Variants in ADAMTS7 observed in about 807,000 individuals in gnomAD.
ADAMTS7 encodes A disintegrin and metalloproteinase with thrombospondin motifs 7.
Under a neutral mutation model 172.6 loss-of-function variants are expected in ADAMTS7, and 89 were observed. The ratio of observed to expected loss-of-function variants is 0.52; its 90% confidence interval spans 0.43 to 0.61. ADAMTS7 has a LOEUF of 0.61. Among genes scored for constraint, ADAMTS7 ranks in the 20% least tolerant of loss-of-function variants. The probability of loss-of-function intolerance (pLI) is 0.00; values close to 1 mark genes in which losing one functional copy is unlikely to be tolerated. For missense variants in ADAMTS7, 1,973 were observed against 2,355.6 expected (o/e 0.84, Z 3.36); for synonymous variants, 885 against 978.4 (o/e 0.90, Z 1.78).
intron 4 of ADAMTS7, among the ~76,000 whole-genome samples, chr15:78,791,701 G>A (rs922009994): frequency 6.6e-6 from 1 of 152,224 alleles, no homozygotes; most frequent in African/African-American, 2.4e-5. Context: ...CCTCCAATGA[G>A]GCATAGAACT....
intron 4 of ADAMTS7, among the ~76,000 whole-genome samples, chr15:78,791,685 G>A (rs1050780578): frequency 6.6e-6 from 1 of 152,262 alleles, no homozygotes; most frequent in Non-Finnish European, 1.5e-5. Context: ...CATCCCAGGA[G>A]TGCACCCTCC....
chr15:78,772,071 T>C (rs914967299), intron 14 of ADAMTS7, among the ~76,000 whole-genome samples: 6 of 152,196 alleles, frequency 3.9e-5, no homozygotes, highest in African/African-American at 1.2e-4. Flanking sequence ...GGTCTCATCA[T>C]AAGGCTGGAT....
intron 1 of ADAMTS7, among the ~76,000 whole-genome samples, chr15:78,807,494 A>G (rs2141530876): frequency 6.6e-6 from 1 of 152,340 alleles, no homozygotes. Context: ...GCCGCAGGTG[A>G]AAAGCATTCG....
intron 4 of ADAMTS7, among the ~76,000 whole-genome samples, chr15:78,791,739 G>A (rs1315264994): frequency 6.6e-6 from 1 of 152,226 alleles, no homozygotes; most frequent in African/African-American, 2.4e-5. Context: ...TAGAGTGAGG[G>A]TAGGCACAGG....
rs755867208 is a variant in ADAMTS7 at position 78,771,131 on chromosome 15, C to A, written c.2518+31G>T. 3.3e-5 allele frequency: 52 copies of A among 1,571,652 alleles called. No individual in the cohort carries two copies. Among genetic ancestry groups the A allele is most frequent in the Non-Finnish European group, 4.5e-5 (52 of 1,156,682 alleles). On this transcript the variant is annotated intron_variant, in intron 16 of 23. Coordinates refer to ENST00000388820, the MANE Select transcript of ADAMTS7 (RefSeq NM_014272.5). This position sits in a 1 kb window ranked among gnomAD's most constrained non-coding sequence, Gnocchi z 4.9. ...TCCCTGTCCAGACACTAAGCCCCTG[C>A]AGGTGGGGCTGTGCCTGCCCCACTT...
rs372729088 is a variant in ADAMTS7, at chr15:78,768,196, C to G, written c.2582G>C (p.Cys861Ser). 1.7e-5 allele frequency: 28 copies of G among 1,609,962 alleles called. No homozygotes were observed. The highest frequency in any genetic ancestry group is 2.4e-5 in the Non-Finnish European group (28 of 1,179,504). ...RQAGPVDEEH[C>S]DPLGRPDDQQ... The stretch of plus-strand genomic sequence containing the variant: ...GTCATCAGGCCGGCCCAGGGGGTCA[C>G]AGTGCTCCTCGTCCACGGGCCCTGC... The change falls in exon 17 of 24, where the codon TGT (cysteine) becomes TCT (serine). Residue 861 changes from cysteine (C) to serine (S), a missense_variant. Physicochemically the swap from Cys to Ser is moderately radical, Grantham distance 112. Transcript: ENST00000388820.
chr15:78,765,365 C>A (rs926342162), intron 19 of ADAMTS7, among the ~76,000 whole-genome samples: 1 of 152,262 alleles, frequency 6.6e-6, no homozygotes, highest in Admixed American at 6.5e-5. Context: ...CTGGGCCTGG[C>A]GGCCATGCGG....
Position 78,789,733 on chromosome 15 carries a change from C to A in ADAMTS7, c.1134G>T (p.Thr378=). 4.3e-6 allele frequency: 7 copies of A among 1,612,972 alleles called. No homozygotes were observed. Among genetic ancestry groups the A allele is most frequent in the Non-Finnish European group, 5.9e-6 (7 of 1,179,798 alleles). The change falls in exon 7 of 24, where the codon ACG becomes ACT. Residue 378 remains threonine, a synonymous_variant. Coordinates refer to ENST00000388820, the MANE Select transcript of ADAMTS7 (RefSeq NM_014272.5). ...PHRSCSINED[T]GLPLAFTVAH... ...CTACAGTGAAGGCCAGCGGCAGGCC[C>A]GTGTCCTCGTTGATGCTGCAGCTGC...
intron 8 of ADAMTS7, among the ~76,000 whole-genome samples, chr15:78,784,554 A>G (rs1269233958): frequency 1.3e-5 from 2 of 152,230 alleles, no homozygotes; most frequent in Non-Finnish European, 2.9e-5. Flanking sequence ...AAGTTGTCAA[A>G]TAAATAATAC....
At chr15:78,767,681 G>A (rs2141477145) in intron 17 of ADAMTS7, 89 bp from the exon 18 acceptor site, 2 of 1,271,490 alleles carry the variant, frequency 1.6e-6, no homozygotes, top group Non-Finnish European at 2.1e-6. Context: ...GGGCTTCCAG[G>A]CCCTCGGCAT....
chr15:78,773,994 G>C (rs892540840), intron 13 of ADAMTS7, among the ~76,000 whole-genome samples, 173 bp downstream of exon 13: 4 of 152,202 alleles, frequency 2.6e-5, no homozygotes, highest in African/African-American at 9.6e-5. Flanking sequence ...TGGGAAGCCC[G>C]ATGGTAGAGC....
chr15:78,782,840 T>C (rs1459106603), intron 8 of ADAMTS7, among the ~76,000 whole-genome samples: 1 of 151,816 alleles, frequency 6.6e-6, no homozygotes, highest in Admixed American at 6.6e-5. Context: ...CTAGAGCCCC[T>C]CCCCAACCCT....
At position 78,768,342 on chromosome 15, in the gene ADAMTS7, C is replaced by T. The variant is rs548389768; in HGVS notation, c.2519-83G>A. The T allele has an allele frequency of 1.9e-5, 30 of 1,585,216 alleles. No homozygotes were observed. In the South Asian group the frequency reaches 3.1e-4, roughly 16 times the overall value. On this transcript the variant is annotated intron_variant, in intron 16 of 23. Transcript: ENST00000388820. The stretch of plus-strand genomic sequence containing the variant: ...CAAAGACACCCTCTCTGCCAGAACC[C>T]TCCCAGAACAGCGCCTTACTGCCCG...
At chr15:78,810,526 A>T (rs1453606103) in intron 1 of ADAMTS7, 2 of 151,990 alleles carry the variant, frequency 1.3e-5, no homozygotes, top group East Asian at 3.9e-4. Context: ...TCCCCGCTCC[A>T]CTCCCGGCGT....
At chr15:78,801,702 G>C (rs1460991737) in intron 1 of ADAMTS7, among the ~76,000 whole-genome samples, 1 of 151,540 alleles carries the variant, frequency 6.6e-6, no homozygotes, top group Non-Finnish European at 1.5e-5. Flanking sequence ...TTTTGAAATG[G>C]GTTCTTGCTC....
chr15:78,810,838 G>A (rs940131225), intron 1 of ADAMTS7: 6 of 307,002 alleles, frequency 2.0e-5, no homozygotes, highest in Admixed American at 1.0e-4. Flanking sequence ...ACCCGAGGTG[G>A]GGAAACCGGA....
chr15:78,784,097 G>A (rs1462936239), intron 8 of ADAMTS7, among the ~76,000 whole-genome samples: 3 of 152,018 alleles, frequency 2.0e-5, no homozygotes, highest in Non-Finnish European at 4.4e-5. Context: ...GGCTGGGCAC[G>A]CTGGCTCATG....
chr15:78,787,202 CT>C (rs1435826942), intron 8 of ADAMTS7, among the ~76,000 whole-genome samples: 1 of 152,084 alleles, frequency 6.6e-6, no homozygotes, highest in East Asian at 1.9e-4. Context: ...GTCAGCACCC[CT>C]GACCCCCGAG....
intron 3 of ADAMTS7, 89 bp from the exon 4 acceptor site, chr15:78,796,875 G>A (rs2055652922): frequency 8.0e-7 from 1 of 1,242,318 alleles, no homozygotes; most frequent in South Asian, 1.5e-5. Flanking sequence ...GCTCTCTCTG[G>A]GGCACTGGGA....
Sources: allele counts gnomAD v4.1 joint callset (sites outside exome capture counted in the v4.1 genomes callset), GRCh38; gene constraint gnomAD v4.1.1; non-coding constraint Gnocchi (gnomAD v3.1); transcripts MANE v1.5; gene names NCBI Gene and HGNC (gene_info 2026-07-23, HGNC 2026-07-21).